The following AGK variants were observed in gnomAD, a reference collection of about 807,000 sequenced individuals.
The protein encoded by AGK is acylglycerol kinase.
Under a neutral mutation model 66.4 loss-of-function variants are expected in AGK, and 52 were observed. The observed-to-expected ratio is 0.78, with a 90% CI of 0.63 to 0.99. AGK has a LOEUF of 0.99. AGK is among the 50% of genes least tolerant of loss of function. AGK has a pLI of 0.00. For synonymous variants in AGK, 182 were observed against 181.1 expected, an observed-to-expected ratio of 1.00 and a Z score of -0.04; for missense variants, 451 against 506.6, an observed-to-expected ratio of 0.89 and a Z score of 1.05.
At chr7:141,577,632 C>T (rs1317405277) in intron 2 of AGK, among the ~76,000 whole-genome samples, 4 of 152,022 alleles carry the variant, frequency 2.6e-5, no homozygotes, top group African/African-American at 7.2e-5. Context: ...TTCCAGGTTC[C>T]GCCCCAGAGC....
At chr7:141,608,235 A>G (rs2116947811) in intron 5 of AGK, among the ~76,000 whole-genome samples, 1 of 152,312 alleles carries the variant, frequency 6.6e-6, no homozygotes, top group African/African-American at 2.4e-5. Context: ...GGGTAAGGAG[A>G]CAAAGGTTAT....
chr7:141,636,860 C>T (rs1012885052), intron 10 of AGK, 100 bp from the exon 11 acceptor site: 45 of 936,202 alleles, frequency 4.8e-5, no homozygotes, highest in Non-Finnish European at 6.9e-5. Flanking sequence ...CCACTCATAG[C>T]AGAGATGTAA....
chr7:141,599,681 A>G (rs914278830), intron 4 of AGK, among the ~76,000 whole-genome samples: 1 of 152,158 alleles, frequency 6.6e-6, no homozygotes, highest in African/African-American at 2.4e-5. Flanking sequence ...CAATCTAGTA[A>G]TGAAAGCAAC....
At chr7:141,585,159 G>C (rs1322257639) in intron 2 of AGK, among the ~76,000 whole-genome samples, 1 of 152,122 alleles carries the variant, frequency 6.6e-6, no homozygotes, top group African/African-American at 2.4e-5. Flanking sequence ...TATCCAAATG[G>C]AGATTCTGTC....
chr7:141,611,296 G>C lies in AGK; in HGVS notation c.390+9G>C. The stretch of plus-strand genomic sequence containing the variant: ...ATGGGACACTGCAGGAGGTATGACT[G>C]TTTTTCTCTTTGAAGCTATTTTGAA... On this transcript the variant is annotated intron_variant, in intron 6 of 15. Transcript: ENST00000649286. The C allele has an allele frequency of 6.3e-7, 1 of 1,596,470 alleles. No individual in the cohort carries two copies.
At chr7:141,605,580 C>T (rs1796439472) in intron 5 of AGK, among the ~76,000 whole-genome samples, 1 of 152,160 alleles carries the variant, frequency 6.6e-6, no homozygotes. Context: ...CATTATTTTA[C>T]TCAGTAGCTT....
intron 2 of AGK, among the ~76,000 whole-genome samples, chr7:141,560,883 G>A (rs1000724356): frequency 1.4e-5 from 2 of 142,680 alleles, no homozygotes; most frequent in African/African-American, 2.6e-5. Context: ...TGCAAGCTCC[G>A]CCTCCCGGCT....
At chr7:141,592,639 G>A (rs889162905) in intron 2 of AGK, among the ~76,000 whole-genome samples, 2 of 152,112 alleles carry the variant, frequency 1.3e-5, no homozygotes, top group African/African-American at 4.8e-5. Flanking sequence ...ATTTAACACA[G>A]ACTTTTATTC....
At chr7:141,599,260 A>C (rs1254371245) in intron 4 of AGK, 1 of 152,182 alleles carries the variant, frequency 6.6e-6, no homozygotes, top group Non-Finnish European at 1.5e-5. Flanking sequence ...TTTAAGAAAT[A>C]AGATAACTGT....
Position 141,621,750 on chromosome 7 carries a change from A to G in AGK, c.537A>G (p.Thr179=), listed in dbSNP as rs748709307. 3 of 1,613,584 alleles carry G rather than the reference A, an allele frequency of 1.9e-6. No individual in the cohort carries two copies. The highest frequency in any genetic ancestry group is 2.5e-6 in the Non-Finnish European group (3 of 1,179,682). Residue 179 remains threonine, a synonymous_variant, in exon 9 of 16, where the codon ACA becomes ACG. Transcript: ENST00000649286. ...GNKVQHITDA[T]LAIVKGETVP... is the part of the protein sequence containing the mutation. ...CTTTTAGACATATTACTGATGCCACACTTGCCATTGTGAAAGGAGAGACAG... is the reference window on the plus strand; with the variant it reads ...CTTTTAGACATATTACTGATGCCACGCTTGCCATTGTGAAAGGAGAGACAG...
chr7:141,582,821 G>A (rs1562964313), intron 2 of AGK, among the ~76,000 whole-genome samples: 1 of 151,764 alleles, frequency 6.6e-6, no homozygotes, highest in Non-Finnish European at 1.5e-5. Flanking sequence ...AAGGATTATA[G>A]GGTAGGGGAG....
intron 10 of AGK, 115 bp downstream of exon 10, chr7:141,634,095 G>T (rs1410321878): frequency 1.2e-6 from 1 of 849,354 alleles, no homozygotes; most frequent in African/African-American, 1.7e-5. Flanking sequence ...GGGCCTGGAG[G>T]TTGAATTATG....
chr7:141,611,076 A>C, intron 5 of AGK, 119 bp from the exon 6 acceptor site: 2 of 571,222 alleles, frequency 3.5e-6, no homozygotes, highest in Non-Finnish European at 6.2e-6. Flanking sequence ...TCTATCAGTT[A>C]TGTAAAATTT....
intron 2 of AGK, 152 bp from the exon 3 acceptor site, chr7:141,592,994 A>G: frequency 1.5e-6 from 1 of 651,496 alleles, no homozygotes; most frequent in Non-Finnish European, 2.7e-6. Context: ...GTGAGCCACC[A>G]TGCCCGGCCT....
intron 1 of AGK, among the ~76,000 whole-genome samples, chr7:141,551,671 C>T (rs868387242): frequency 6.6e-6 from 1 of 152,176 alleles, no homozygotes; most frequent in African/African-American, 2.4e-5. Context: ...GCGCGGATCC[C>T]GTGGTCACGG....
At chr7:141,609,487 A>C (rs34726353) in intron 5 of AGK, among the ~76,000 whole-genome samples, 5,267 of 152,300 alleles carry the variant, frequency 0.035, 145 homozygotes, top group South Asian at 0.14. Flanking sequence ...GGAAAGATAC[A>C]TAGGTCAAGG....
rs773627567 is a variant in AGK at position 141,585,170 on chromosome 7, G to A, written c.102-7976G>A. Among the ~76,000 whole-genome samples the A allele has an allele frequency of 3.4e-4, 52 of 152,194 alleles. 2 individuals carry two copies. Among genetic ancestry groups the A allele is most frequent in the South Asian group, 2.3e-3 (11 of 4,812 alleles). ...CTTCTATCCAAATGGAGATTCTGTC[G>A]GCCGAAAAGATCAAGCATTCTTCCT... On this transcript the variant is annotated intron_variant, in intron 2 of 15. Coordinates refer to ENST00000649286, the MANE Select transcript of AGK (RefSeq NM_018238.4).
At chr7:141,620,916 G>A (rs1796809961) in intron 8 of AGK, among the ~76,000 whole-genome samples, 1 of 152,194 alleles carries the variant, frequency 6.6e-6, no homozygotes, top group Non-Finnish European at 1.5e-5. Context: ...AGGTTTAACT[G>A]GAGAAGGGAA....
chr7:141,634,131 C>A, intron 10 of AGK, 151 bp downstream of exon 10: 1 of 694,830 alleles, frequency 1.4e-6, no homozygotes, highest in Non-Finnish European at 2.5e-6. Context: ...TAGGAACAAT[C>A]AGGTAGAGGT....
Sources: gnomAD v4.1 joint callset for allele counts (sites outside exome capture counted in the v4.1 genomes callset) on GRCh38, gnomAD v4.1.1 for gene constraint, MANE v1.5 for transcripts, NCBI Gene and HGNC (gene_info 2026-07-23, HGNC 2026-07-21) for gene names.